Variants in ZNF609 observed in about 807,000 individuals in gnomAD.
ZNF609 encodes zinc finger protein 609.
Under a neutral mutation model 109.5 loss-of-function variants are expected in ZNF609, and 11 were observed. The observed-to-expected ratio is 0.10, with a 90% CI of 0.06 to 0.17. The LOEUF (loss-of-function observed/expected upper bound fraction) is 0.17. Ranked by LOEUF, ZNF609 falls within the 10% of genes least tolerant of loss-of-function variation. ZNF609 has a pLI of 1.00. For missense variants in ZNF609, 1,559 were observed against 1,772.4 expected, an observed-to-expected ratio of 0.88 and a Z score of 2.16; for synonymous variants, 646 against 662.0, an observed-to-expected ratio of 0.98 and a Z score of 0.37.
chr15:64,603,563 C>T (rs143167464), intron 2 of ZNF609, among the ~76,000 whole-genome samples: 40 of 152,136 alleles, frequency 2.6e-4, no homozygotes, highest in African/African-American at 9.4e-4. Context: ...GCCACTGCAC[C>T]TGGCCCACAG....
intron 2 of ZNF609, among the ~76,000 whole-genome samples, chr15:64,609,927 C>T (rs112938992): frequency 6.6e-6 from 1 of 151,860 alleles, no homozygotes; most frequent in Admixed American, 6.6e-5. Context: ...GCTCGGGAGG[C>T]TGAGGCATGA....
intron 2 of ZNF609, among the ~76,000 whole-genome samples, chr15:64,540,767 C>T (rs1567009262): frequency 6.6e-6 from 1 of 151,172 alleles, no homozygotes; most frequent in Admixed American, 6.6e-5. Flanking sequence ...CGGTGGCTCA[C>T]GCCTGTAATC....
intron 1 of ZNF609, among the ~76,000 whole-genome samples, chr15:64,486,143 G>A (rs544591131): frequency 1.3e-5 from 2 of 152,082 alleles, no homozygotes; most frequent in South Asian, 2.1e-4. Context: ...ATAAATTATT[G>A]GATTGGTACA....
At chr15:64,659,183 C>T (rs991811738) in intron 3 of ZNF609, among the ~76,000 whole-genome samples, 1 of 152,122 alleles carries the variant, frequency 6.6e-6, no homozygotes, top group Admixed American at 6.6e-5. Flanking sequence ...ATAACATGTT[C>T]AAAAGAGGTA....
intron 2 of ZNF609, among the ~76,000 whole-genome samples, chr15:64,612,253 T>C (rs1200931180): frequency 6.6e-6 from 1 of 150,686 alleles, no homozygotes; most frequent in Non-Finnish European, 1.5e-5. Flanking sequence ...GTTCACGCCA[T>C]TCTCCTGCCT....
chr15:64,480,304 C>G (rs972819076), intron 1 of ZNF609, among the ~76,000 whole-genome samples: 19 of 152,016 alleles, frequency 1.2e-4, no homozygotes, highest in Non-Finnish European at 1.5e-5. Context: ...GAGGCTGAGG[C>G]AGGTGGATCA....
intron 2 of ZNF609, among the ~76,000 whole-genome samples, chr15:64,614,079 G>A (rs1895759728): frequency 6.6e-6 from 1 of 150,720 alleles, no homozygotes; most frequent in South Asian, 2.1e-4. Flanking sequence ...CACCACGCCT[G>A]ACTAATTTTT....
At chr15:64,637,274 T>C (rs1233830649) in intron 3 of ZNF609, among the ~76,000 whole-genome samples, 1 of 152,216 alleles carries the variant, frequency 6.6e-6, no homozygotes, top group Non-Finnish European at 1.5e-5. Context: ...GTGAGTATAC[T>C]GCTACTTATT....
chr15:64,650,907 T>C (rs1896406994), intron 3 of ZNF609, among the ~76,000 whole-genome samples: 1 of 152,064 alleles, frequency 6.6e-6, no homozygotes, highest in Admixed American at 6.6e-5. Context: ...GGGGATCCTT[T>C]GTCATTTATT....
chr15:64,583,115 C>T (rs568966205), intron 2 of ZNF609, among the ~76,000 whole-genome samples: 1 of 151,450 alleles, frequency 6.6e-6, no homozygotes, highest in Admixed American at 6.6e-5. Context: ...CTCACTGCAA[C>T]CTCTGCCTCC....
chr15:64,640,241 G>A (rs930725495), intron 3 of ZNF609, among the ~76,000 whole-genome samples: 8 of 151,954 alleles, frequency 5.3e-5, no homozygotes, highest in African/African-American at 1.9e-4. Flanking sequence ...ATCTCACTTT[G>A]TTGCCCTGGC....
intron 1 of ZNF609, among the ~76,000 whole-genome samples, chr15:64,462,036 C>A (rs1176216298): frequency 1.3e-5 from 2 of 152,196 alleles, no homozygotes; most frequent in South Asian, 4.1e-4. Context: ...TCCCTCTCAC[C>A]CGCCTATTGT....
chr15:64,462,418 T>A (rs1001840896), intron 1 of ZNF609, among the ~76,000 whole-genome samples: 1 of 152,182 alleles, frequency 6.6e-6, no homozygotes, highest in Non-Finnish European at 1.5e-5. Context: ...AATGGAACAC[T>A]CATGCAGTGA....
Position 64,500,120 on chromosome 15 carries a change from A to T in ZNF609, c.701A>T (p.Glu234Val). 1 of 1,613,892 alleles carries T rather than the reference A, an allele frequency of 6.2e-7. No homozygotes were observed. The highest frequency in any genetic ancestry group is 8.5e-7 in the Non-Finnish European group (1 of 1,180,000). ...NPLGTKPEPE[E>V]GENECRLLKK... Reference sequence around the variant, plus strand: ...TTGGGAACTAAACCGGAGCCAGAGGAAGGGGAGAATGAGTGTCGCCTGCTA... The same window carrying T: ...TTGGGAACTAAACCGGAGCCAGAGGTAGGGGAGAATGAGTGTCGCCTGCTA... The change falls in exon 2 of 10, where the codon GAA (glutamate) becomes GTA (valine). Residue 234 changes from glutamate (E) to valine (V), a missense_variant. Transcript: ENST00000326648.
At chr15:64,497,387 A>T (rs144108155) in intron 1 of ZNF609, among the ~76,000 whole-genome samples, 1 of 152,256 alleles carries the variant, frequency 6.6e-6, no homozygotes, top group Non-Finnish European at 1.5e-5. Flanking sequence ...GCTAGCAGGC[A>T]TTCACCTGGC....
At chr15:64,564,052 AT>A in intron 2 of ZNF609, among the ~76,000 whole-genome samples, 1 of 151,420 alleles carries the variant, frequency 6.6e-6, no homozygotes, top group Admixed American at 6.6e-5. Flanking sequence ...CCCGGCCTAA[AT>A]TTTAAATTGT....
intron 1 of ZNF609, among the ~76,000 whole-genome samples, chr15:64,472,202 C>T (rs899522120): frequency 6.6e-6 from 1 of 152,188 alleles, no homozygotes; most frequent in Non-Finnish European, 1.5e-5. Context: ...CGTGAGCCAC[C>T]ACACCCGGCC....
In ZNF609 at chr15:64,681,468, A is replaced by G. The variant is rs373857394; in HGVS notation, c.*5+81A>G. 32 of 1,233,508 alleles carry G rather than the reference A, an allele frequency of 2.6e-5. No individual in the cohort carries two copies. The African/African-American group carries it at 2.7e-4, about 10-fold the overall frequency. 76.4% of individuals were successfully genotyped at this position (1,233,508 alleles called of 1,614,324 possible). ...GGATCACAGAATCCCTAGGTGAGAA[A>G]TAGCTATGAGGGGTCAGCAGTCTGG... is the stretch of plus-strand genomic sequence containing the variant. On this transcript the variant is annotated intron_variant, in intron 9 of 9. Transcript: ENST00000326648.
At chr15:64,614,455 T>G (rs1318388846) in intron 2 of ZNF609, among the ~76,000 whole-genome samples, 1 of 151,706 alleles carries the variant, frequency 6.6e-6, no homozygotes, top group Non-Finnish European at 1.5e-5. Flanking sequence ...AGGATGGTCT[T>G]GATCTCCTGA....
Sources: allele counts gnomAD v4.1 joint callset (sites outside exome capture counted in the v4.1 genomes callset), GRCh38; gene constraint gnomAD v4.1.1; transcripts MANE v1.5; gene names NCBI Gene and HGNC (gene_info 2026-07-23, HGNC 2026-07-21).